The following KDM1B variants were observed in gnomAD, a reference collection of about 807,000 sequenced individuals.
The protein encoded by KDM1B is lysine demethylase 1B, also known as lysine-specific histone demethylase 2.
In KDM1B, 63 loss-of-function variants were observed where a neutral mutation model predicts 107.4. The ratio of observed to expected loss-of-function variants is 0.59; its 90% CI spans 0.48 to 0.72. The LOEUF (loss-of-function observed/expected upper bound fraction) is 0.72. Ranked by LOEUF, KDM1B falls within the 30% of genes least tolerant of loss-of-function variation. KDM1B has a pLI of 0.00. For missense variants in KDM1B, 749 were observed against 1,020.8 expected (o/e 0.73, Z 3.63); for synonymous variants, 363 against 363.9 (o/e 1.00, Z 0.03).
intron 4 of KDM1B, 70 bp downstream of exon 4, chr6:18,161,524 T>A: frequency 6.5e-7 from 1 of 1,538,042 alleles, no homozygotes; most frequent in Non-Finnish European, 8.9e-7. Context: ...ACATCATCCT[T>A]GTAGATAGTT....
At position 18,215,020 on chromosome 6, in the gene KDM1B, T is replaced by C. The variant is rs1466211130; in HGVS notation, c.2123T>C (p.Val708Ala). 2 of 1,613,924 alleles carry C rather than the reference T, an allele frequency of 1.2e-6. No individual in the cohort carries two copies. The highest frequency in any genetic ancestry group is 2.7e-5 in the African/African-American group (2 of 74,942). ...TCATGTCTCCAGAAGAAGCACAGCG[T>C]GCTGATGTCTGTGATTGCCGGGGAG... ...YDMDPQKKHS[V>A]LMSVIAGEAV... The change falls in exon 20 of 22, where the codon GTG becomes GCG. Residue 708 changes from valine to alanine, a missense_variant. By Grantham distance (64) the Val-to-Ala change is moderately conservative (BLOSUM62 0). Transcript: ENST00000650836.
intron 6 of KDM1B, among the ~76,000 whole-genome samples, chr6:18,169,920 A>T (rs941429916): frequency 1.3e-5 from 2 of 151,696 alleles, no homozygotes; most frequent in East Asian, 1.9e-4. Flanking sequence ...TTATTTATTT[A>T]TTTTTTTGAG....
rs752292429 is a variant in KDM1B, at chr6:18,222,028, A to G, written c.*36A>G. 6.3e-7 allele frequency: 1 copy of G among 1,581,794 alleles called. No individual in the cohort carries two copies. Among genetic ancestry groups the G allele is most frequent in the South Asian group, 1.1e-5 (1 of 90,474 alleles). ...GACCCAGCTTTCTTCTGTACCCCAG[A>G]TGGGGAAATTTGAATCACATGTTAA... On this transcript the variant is annotated 3_prime_UTR_variant, in exon 22 of 22. Transcript: ENST00000650836.
intron 17 of KDM1B, among the ~76,000 whole-genome samples, chr6:18,208,627 A>ATATATATATATATATT (rs1561949786): frequency 7.8e-5 from 2 of 25,734 alleles, no homozygotes; most frequent in Non-Finnish European, 1.4e-4. Flanking sequence ...ATATATATAT[A>ATATATATATATATATT]TTTTTTTTTT....
Position 18,172,343 on chromosome 6 carries a change from C to T in KDM1B, c.534+864C>T, listed in dbSNP as rs1276381633. Among the ~76,000 whole-genome samples, 2 of 152,140 alleles carry T rather than the reference C, an allele frequency of 1.3e-5. No homozygotes were observed. The highest frequency in any genetic ancestry group is 3.9e-4 in the East Asian group (2 of 5,190). On this transcript the variant is annotated intron_variant, in intron 7 of 21. Coordinates refer to ENST00000650836, the MANE Select transcript of KDM1B (RefSeq NM_001364614.2). This position sits in a 1 kb window ranked among gnomAD's most constrained non-coding sequence, Gnocchi z 5.2. Reference sequence around the variant, plus strand: ...TCCTTTTAATCTCAGAGGTAAAATACTTTGTTTCTAGAAATTGAGATAAAA... The same window carrying T: ...TCCTTTTAATCTCAGAGGTAAAATATTTTGTTTCTAGAAATTGAGATAAAA...
Position 18,201,226 on chromosome 6 carries a change from G to A in KDM1B, c.1360-260G>A, listed in dbSNP as rs1474634290. ...GCAGTGTCTAGCATCTGAAACATTA[G>A]CCAAAAAGTTACAATGGGCATGGCG... On this transcript the variant is annotated intron_variant, in intron 13 of 21. Coordinates refer to ENST00000650836, the MANE Select transcript of KDM1B (RefSeq NM_001364614.2). The surrounding 1 kb of genome is among the most constrained non-coding windows in gnomAD (Gnocchi z 4.3). Among the ~76,000 whole-genome samples, 1 of 152,206 alleles carries A rather than the reference G, an allele frequency of 6.6e-6. No individual in the cohort carries two copies. The highest frequency in any genetic ancestry group is 2.4e-5 in the African/African-American group (1 of 41,460).
In KDM1B at chr6:18,213,290, G is replaced by A. The variant is rs961058569; in HGVS notation, c.1984-366G>A. Among the ~76,000 whole-genome samples, 2 of 152,002 alleles carry A rather than the reference G, an allele frequency of 1.3e-5. No individual in the cohort carries two copies. The highest frequency in any genetic ancestry group is 2.4e-5 in the African/African-American group (1 of 41,390). Reference sequence around the variant, plus strand: ...CATCTCTACTAAAAATACAAAATTCGCTGGGCGTGGTGGTGTGCACCTGTA... The same window carrying A: ...CATCTCTACTAAAAATACAAAATTCACTGGGCGTGGTGGTGTGCACCTGTA... On this transcript the variant is annotated intron_variant, in intron 18 of 21. Transcript: ENST00000650836. The surrounding 1 kb of genome is among the most constrained non-coding windows in gnomAD (Gnocchi z 5.9).
chr6:18,187,036 T>C (rs1432788822), intron 8 of KDM1B, among the ~76,000 whole-genome samples: 4 of 141,670 alleles, frequency 2.8e-5, no homozygotes, highest in African/African-American at 1.2e-4. Context: ...CATTTTTTTT[T>C]TCCCCGAATT....
At chr6:18,181,157 A>T (rs1786443488) in intron 7 of KDM1B, among the ~76,000 whole-genome samples, 1 of 152,224 alleles carries the variant, frequency 6.6e-6, no homozygotes, top group African/African-American at 2.4e-5. Context: ...AAAAGAACAA[A>T]GATAGCAGAA....
At position 18,197,568 on chromosome 6, in the gene KDM1B, T is replaced by G. The variant is rs13437266; in HGVS notation, c.1147-19T>G. 1.5e-5 allele frequency: 24 copies of G among 1,606,292 alleles called. No homozygotes were observed. The South Asian group carries it at 2.6e-4, about 18-fold the overall frequency. On this transcript the variant is annotated intron_variant, in intron 11 of 21. Transcript: ENST00000650836. This position sits in a 1 kb window ranked among gnomAD's most constrained non-coding sequence, Gnocchi z 4.5. ...TTATCATCTGCTCTAATTGGACTTT[T>G]GTTTCTTTTCTTTTTAAGAAATCAG...
At chr6:18,185,709 A>T in intron 7 of KDM1B, 63 bp from the exon 8 acceptor site, 1 of 1,383,044 alleles carries the variant, frequency 7.2e-7, no homozygotes, top group Non-Finnish European at 1.0e-6. Flanking sequence ...ATTGAAGATA[A>T]ATGGATACCT....
chr6:18,182,636 T>G (rs10949485), intron 7 of KDM1B, among the ~76,000 whole-genome samples: 104,492 of 151,840 alleles, frequency 0.69, 37,193 homozygotes, highest in East Asian at 0.8. Context: ...ACTCCTGAGT[T>G]CAAGTGATTC....
At chr6:18,166,542 A>ATAG (rs1451007425) in intron 6 of KDM1B, among the ~76,000 whole-genome samples, 164 bp downstream of exon 6, 2 of 152,190 alleles carry the variant, frequency 1.3e-5, no homozygotes, top group Non-Finnish European at 2.9e-5. Flanking sequence ...ATATTTCAAC[A>ATAG]TAGTATAAAA....
chr6:18,170,421 C>G (rs558193016), intron 6 of KDM1B, among the ~76,000 whole-genome samples: 9 of 152,148 alleles, frequency 5.9e-5, no homozygotes, highest in African/African-American at 1.9e-4. Flanking sequence ...CGCAGCATAC[C>G]ACATTGCATT....
At chr6:18,202,920 ATGT>A (rs1582182579) in intron 14 of KDM1B, among the ~76,000 whole-genome samples, 1 of 152,314 alleles carries the variant, frequency 6.6e-6, no homozygotes, top group East Asian at 1.9e-4. Context: ...ATTTAATCAA[ATGT>A]TGTAGTGTCC....
chr6:18,216,317 G>A (rs570957576), intron 20 of KDM1B, among the ~76,000 whole-genome samples: 1 of 152,308 alleles, frequency 6.6e-6, no homozygotes, highest in Non-Finnish European at 1.5e-5. Context: ...CTGACCTCAA[G>A]TGATCCGCCT....
Position 18,201,375 on chromosome 6 carries a change from G to C in KDM1B, c.1360-111G>C. 1.4e-6 allele frequency: 1 copy of C among 738,082 alleles called. No homozygotes were observed. Among genetic ancestry groups the C allele is most frequent in the Non-Finnish European group, 2.2e-6 (1 of 458,580 alleles). The allele number at this position is 738,082 out of a possible 1,614,324, so 45.7% of individuals were successfully genotyped here. The stretch of plus-strand genomic sequence containing the variant: ...GAAGCATATTTAGCTTTATTTTTGA[G>C]AGATATGAGACCATTTTCTCCATGA... On this transcript the variant is annotated intron_variant, in intron 13 of 21. Transcript: ENST00000650836. This position sits in a 1 kb window ranked among gnomAD's most constrained non-coding sequence, Gnocchi z 4.3.
At position 18,222,570 on chromosome 6, in the gene KDM1B, C is replaced by T. The variant is rs1789842465; in HGVS notation, c.*578C>T. The T allele has an allele frequency of 5.9e-6, 1 of 168,118 alleles. No individual in the cohort carries two copies. The highest frequency in any genetic ancestry group is 1.3e-5 in the Non-Finnish European group (1 of 77,900). The allele number at this position is 168,118 out of a possible 1,614,324, so 10.4% of individuals were successfully genotyped here. A position where few individuals can be genotyped will look rare whatever the true frequency, so the allele number is the denominator to read the frequency against. ...TAGGTATTTTGTATTGTACATATTT[C>T]CTCCTACTGGGTGTTCAAAAGAAAT... is the stretch of plus-strand genomic sequence containing the variant. On this transcript the variant is annotated 3_prime_UTR_variant, in exon 22 of 22. Transcript: ENST00000650836.
rs1228868035 is a variant in KDM1B at position 18,161,418 on chromosome 6, C to T, written c.179C>T (p.Ala60Val). The T allele has an allele frequency of 6.2e-7, 1 of 1,614,034 alleles. No homozygotes were observed. Residue 60 changes from alanine to valine, a missense_variant, in exon 4 of 22, where the codon GCA (alanine) becomes GTA (valine). Ala to Val is a moderately conservative substitution (Grantham distance 64). Transcript: ENST00000650836. The part of the protein sequence containing the change: ...YRKCEKAGCT[A>V]TCPVCFASAS... ...AAATGTGAAAAGGCAGGCTGTACGG[C>T]AACATGTCCTGTGTGCTTTGCAAGT... is the stretch of plus-strand genomic sequence containing the variant.
Sources: allele counts gnomAD v4.1 joint callset (sites outside exome capture counted in the v4.1 genomes callset), GRCh38; gene constraint gnomAD v4.1.1; non-coding constraint Gnocchi (gnomAD v3.1); transcripts MANE v1.5; gene names NCBI Gene and HGNC (gene_info 2026-07-23, HGNC 2026-07-21).